Variants in NTSR1 observed in about 807,000 individuals in gnomAD.
NTSR1 encodes neurotensin receptor type 1.
NTSR1 carries 29 observed loss-of-function variants against 31.2 expected under a neutral mutation model. That is an observed-to-expected ratio of 0.93 (90% CI 0.69 to 1.27). The LOEUF is 1.27. Ranked by LOEUF, NTSR1 falls within the 50% of genes most tolerant of loss-of-function variation. The pLI is 0.00. For missense variants in NTSR1, 697 were observed against 595.4 expected (o/e 1.17, Z -1.78); for synonymous variants, 282 against 269.9 (o/e 1.04, Z -0.44).
chr20:62,735,854 C>A (rs1400801269), intron 1 of NTSR1, among the ~76,000 whole-genome samples: 2 of 152,194 alleles, frequency 1.3e-5, no homozygotes, highest in Non-Finnish European at 2.9e-5. Context: ...GCCCCCATCC[C>A]AAAAGGAAAT....
At chr20:62,724,155 G>A (rs1454552760) in intron 1 of NTSR1, among the ~76,000 whole-genome samples, 1 of 152,220 alleles carries the variant, frequency 6.6e-6, no homozygotes, top group Non-Finnish European at 1.5e-5. Context: ...CAAACTCTCA[G>A]GGGACCCGAG....
intron 1 of NTSR1, among the ~76,000 whole-genome samples, chr20:62,725,721 C>CT (rs1483164936): frequency 6.6e-6 from 1 of 152,138 alleles, no homozygotes; most frequent in Non-Finnish European, 1.5e-5. Context: ...CGCCTCAGCT[C>CT]TGAGTGTTAT....
intron 2 of NTSR1, among the ~76,000 whole-genome samples, chr20:62,755,748 CCAG>C (rs1568712188): frequency 6.5e-4 from 2 of 3,092 alleles, no homozygotes; most frequent in Non-Finnish European, 7.9e-4. Flanking sequence ...CTCCCTCCCT[CCAG>C]CCATCCTCCC....
At chr20:62,724,372 A>T (rs6011897) in intron 1 of NTSR1, among the ~76,000 whole-genome samples, 1 of 152,112 alleles carries the variant, frequency 6.6e-6, no homozygotes, top group Non-Finnish European at 1.5e-5. Flanking sequence ...GAGGGTCCCC[A>T]AGGCCCCTAC....
intron 1 of NTSR1, among the ~76,000 whole-genome samples, chr20:62,725,719 C>T (rs530054294): frequency 1.3e-5 from 2 of 152,260 alleles, no homozygotes; most frequent in Non-Finnish European, 2.9e-5. Flanking sequence ...GCCGCCTCAG[C>T]TCTGAGTGTT....
In NTSR1 at chr20:62,732,759, G is replaced by A. The variant is rs774893898; in HGVS notation, c.715-21926G>A. 5 of 152,140 alleles carry A rather than the reference G, an allele frequency of 3.3e-5. No homozygotes were observed. The highest frequency in any genetic ancestry group is 5.9e-5 in the Non-Finnish European group (4 of 68,030). The allele number at this position is 152,140 out of a possible 1,614,324, so 9.4% of individuals were successfully genotyped here. ...AAGTGTTCCTCTGCTTCTATTTCCT[G>A]GAAGAGACTGTAGAGAGTATCTATC... On this transcript the variant is annotated intron_variant, in intron 1 of 3. Transcript: ENST00000370501. The surrounding 1 kb of genome is among the most constrained non-coding windows in gnomAD (Gnocchi z 4.0).
In NTSR1 at chr20:62,709,614, T is replaced by A. The variant is rs561421490; in HGVS notation, c.407T>A (p.Phe136Tyr). Reference sequence around the variant, plus strand: ...ATCTGGGTGCACCACCCCTGGGCCTTCGGCGACGCCGGCTGCCGCGGCTAC... The same window carrying A: ...ATCTGGGTGCACCACCCCTGGGCCTACGGCGACGCCGGCTGCCGCGGCTAC... ...NFIWVHHPWA[F>Y]GDAGCRGYYF... is the part of the protein sequence containing the mutation. Residue 136 changes from phenylalanine to tyrosine, a missense_variant, in exon 1 of 4, where the codon TTC (phenylalanine) becomes TAC (tyrosine). Coordinates refer to ENST00000370501, the MANE Select transcript of NTSR1 (RefSeq NM_002531.3). 2.5e-6 allele frequency: 4 copies of A among 1,611,814 alleles called. No homozygotes were observed. In the South Asian group the frequency reaches 3.3e-5, roughly 13 times the overall value.
At chr20:62,739,944 C>A (rs776447367) in intron 1 of NTSR1, among the ~76,000 whole-genome samples, 3 of 152,238 alleles carry the variant, frequency 2.0e-5, no homozygotes, top group South Asian at 2.1e-4. Flanking sequence ...AAAGTTAAGT[C>A]GTGCTGGGAC....
At position 62,760,224 on chromosome 20, in the gene NTSR1, A is replaced by C. The variant is rs749774646; in HGVS notation, c.1214A>C (p.Asn405Thr). Reference protein sequence around the residue: ...FSRKADSVSSNHTLSSNATRE... With the variant: ...FSRKADSVSSTHTLSSNATRE... ...AGGAAGGCCGACAGCGTGTCCAGCA[A>C]CCACACCCTCTCCAGCAATGCCACC... The change falls in exon 4 of 4, where the codon AAC becomes ACC. Residue 405 changes from asparagine to threonine, a missense_variant. Physicochemically the swap from Asn to Thr is moderately conservative, Grantham distance 65. Coordinates refer to ENST00000370501, the MANE Select transcript of NTSR1 (RefSeq NM_002531.3). 1 of 1,613,494 alleles carries C rather than the reference A, an allele frequency of 6.2e-7. No individual in the cohort carries two copies. The highest frequency in any genetic ancestry group is 1.7e-5 in the Admixed American group (1 of 60,014).
intron 1 of NTSR1, among the ~76,000 whole-genome samples, chr20:62,737,696 C>A (rs375935062): frequency 6.6e-6 from 1 of 152,076 alleles, no homozygotes; most frequent in African/African-American, 2.4e-5. Flanking sequence ...GGTCCAGCCC[C>A]GGATGCAGGC....
In NTSR1 at chr20:62,758,445, C is replaced by T. The variant is rs1372632481; in HGVS notation, c.1007+89C>T. ...GTGTGGCAGGCACTGCTGAGGGGAT[C>T]CACTCAGGGCAGGGGTGTGGTGAGT... On this transcript the variant is annotated intron_variant, in intron 3 of 3. Coordinates refer to ENST00000370501, the MANE Select transcript of NTSR1 (RefSeq NM_002531.3). The surrounding 1 kb of genome is among the most constrained non-coding windows in gnomAD (Gnocchi z 4.5). The T allele has an allele frequency of 8.3e-7, 1 of 1,204,838 alleles. No individual in the cohort carries two copies. The highest frequency in any genetic ancestry group is 1.2e-6 in the Non-Finnish European group (1 of 828,442). The allele number at this position is 1,204,838 out of a possible 1,614,324, so 74.6% of individuals were successfully genotyped here.
At chr20:62,723,338 A>C (rs1438369505) in intron 1 of NTSR1, among the ~76,000 whole-genome samples, 2 of 152,150 alleles carry the variant, frequency 1.3e-5, no homozygotes, top group African/African-American at 4.8e-5. Flanking sequence ...TGATTGGCAG[A>C]ATCACGAAGC....
At position 62,743,828 on chromosome 20, in the gene NTSR1, G is replaced by A. The variant is rs1600730621; in HGVS notation, c.715-10857G>A. On this transcript the variant is annotated intron_variant, in intron 1 of 3. Transcript: ENST00000370501. This position sits in a 1 kb window ranked among gnomAD's most constrained non-coding sequence, Gnocchi z 7.5. ...AGCGAGGTGAGAACGCCCTGCCTGA[G>A]GTCGAGGGGCTGAGGCCGGCTGTCT... 1.3e-5 allele frequency among the ~76,000 whole-genome samples: 2 copies of A among 152,310 alleles called. No homozygotes were observed. Among genetic ancestry groups the A allele is most frequent in the South Asian group, 4.1e-4 (2 of 4,826 alleles).
intron 1 of NTSR1, among the ~76,000 whole-genome samples, chr20:62,749,217 G>A (rs1403460139): frequency 3.9e-5 from 6 of 152,130 alleles, no homozygotes; most frequent in Middle Eastern, 3.2e-3. Flanking sequence ...CGAGGTGGGC[G>A]GATCACGAGG....
In NTSR1 at chr20:62,714,187, C is replaced by T. The variant is rs942559294; in HGVS notation, c.714+4266C>T. Among the ~76,000 whole-genome samples, 19 of 152,370 alleles carry T rather than the reference C, an allele frequency of 1.2e-4. No homozygotes were observed. The highest frequency in any genetic ancestry group is 3.8e-4 in the African/African-American group (16 of 41,598). ...CGTGAGGACGGGAAGGGGACCCACGCCACGCAGCTGTGGGCAGCTCTGGCT... is the reference window on the plus strand; with the variant it reads ...CGTGAGGACGGGAAGGGGACCCACGTCACGCAGCTGTGGGCAGCTCTGGCT... On this transcript the variant is annotated intron_variant, in intron 1 of 3. Coordinates refer to ENST00000370501, the MANE Select transcript of NTSR1 (RefSeq NM_002531.3). The surrounding 1 kb of genome is among the most constrained non-coding windows in gnomAD (Gnocchi z 4.1).
chr20:62,757,430 A>C (rs1254603672), intron 2 of NTSR1, among the ~76,000 whole-genome samples: 1 of 152,192 alleles, frequency 6.6e-6, no homozygotes, highest in Non-Finnish European at 1.5e-5. Context: ...GTCTATCTTT[A>C]TGCCAGCACC....
At chr20:62,737,020 T>A (rs6010624) in intron 1 of NTSR1, among the ~76,000 whole-genome samples, 22,514 of 152,078 alleles carry the variant, frequency 0.15, 2,891 homozygotes, top group African/African-American at 0.33. Context: ...CTCCTGAGGC[T>A]CCCCCAGCCC....
chr20:62,734,123 G>A (rs779693190), intron 1 of NTSR1, among the ~76,000 whole-genome samples: 14 of 152,080 alleles, frequency 9.2e-5, no homozygotes, highest in East Asian at 1.9e-4. Flanking sequence ...GGAAGCGACC[G>A]CCTTGTCCCC....
Position 62,743,477 on chromosome 20 carries a change from G to A in NTSR1, c.715-11208G>A, listed in dbSNP as rs529867009. Among the ~76,000 whole-genome samples the A allele has an allele frequency of 1.2e-3, 188 of 152,266 alleles. No individual in the cohort carries two copies. The highest frequency in any genetic ancestry group is 2.4e-3 in the Non-Finnish European group (161 of 68,010). On this transcript the variant is annotated intron_variant, in intron 1 of 3. Transcript: ENST00000370501. The surrounding 1 kb of genome is among the most constrained non-coding windows in gnomAD (Gnocchi z 7.5). ...TCTGTCTGGGAGGTTAGAAAAGACC[G>A]TCCGTGAGCCTGGGCCCTGCTGGGG...
Sources: gnomAD v4.1 joint callset for allele counts (sites outside exome capture counted in the v4.1 genomes callset) on GRCh38, gnomAD v4.1.1 for gene constraint, Gnocchi (gnomAD v3.1) non-coding constraint, MANE v1.5 for transcripts, NCBI Gene and HGNC (gene_info 2026-07-23, HGNC 2026-07-21) for gene names.